The following DENND1A variants were observed in gnomAD, a reference collection of about 807,000 sequenced individuals.
DENND1A encodes the protein DENN domain containing 1A.
A neutral mutation model predicts 113.7 loss-of-function variants in DENND1A; 51 were observed. That is an observed-to-expected ratio of 0.45 (90% CI 0.36 to 0.57). The LOEUF (loss-of-function observed/expected upper bound fraction) is 0.57, where lower values mean the gene tolerates loss of function less well. Ranked by LOEUF, DENND1A falls within the 20% of genes least tolerant of loss-of-function variation. The pLI, the probability that DENND1A is intolerant of heterozygous loss-of-function variation, is 0.00. For synonymous variants in DENND1A, 565 were observed against 570.8 expected (o/e 0.99, Z 0.14); for missense variants, 1,258 against 1,395.9 (o/e 0.90, Z 1.57).
chr9:123,879,992 A>C (rs1848087979), intron 1 of DENND1A, among the ~76,000 whole-genome samples: 1 of 152,188 alleles, frequency 6.6e-6, no homozygotes, highest in East Asian at 1.9e-4. Context: ...TGTTTATTTC[A>C]TAACAGTTCA....
intron 5 of DENND1A, chr9:123,751,988 C>G (rs1388289957): frequency 1.3e-5 from 2 of 152,152 alleles, no homozygotes; most frequent in Non-Finnish European, 2.9e-5. Flanking sequence ...TTTTCCCACC[C>G]CAAAGATTGA....
At chr9:123,643,339 G>T (rs1488592659) in intron 9 of DENND1A, among the ~76,000 whole-genome samples, 1 of 152,152 alleles carries the variant, frequency 6.6e-6, no homozygotes, top group African/African-American at 2.4e-5. Flanking sequence ...GGCTAATTAG[G>T]TCGTGGTCTT....
At chr9:123,479,985 TTCCCTAGTGTCAGGGCAGAC>T (rs1249052647) in intron 13 of DENND1A, among the ~76,000 whole-genome samples, 1 of 152,222 alleles carries the variant, frequency 6.6e-6, no homozygotes, top group East Asian at 1.9e-4. Flanking sequence ...TAGCAACATA[TTCCCTAGTGTCAGGGCAGAC>T]TCCCCTACCG....
intron 5 of DENND1A, among the ~76,000 whole-genome samples, chr9:123,719,964 C>T (rs929190607): frequency 2.6e-5 from 4 of 152,158 alleles, no homozygotes; most frequent in African/African-American, 9.7e-5. Context: ...GATAGCAATA[C>T]TTGAACTCAA....
intron 13 of DENND1A, among the ~76,000 whole-genome samples, chr9:123,503,562 G>T (rs543231267): frequency 6.6e-6 from 1 of 152,304 alleles, no homozygotes; most frequent in Admixed American, 6.5e-5. Flanking sequence ...TCGGACTCAC[G>T]TAAAACTCAC....
chr9:123,616,282 G>A (rs528467590), intron 10 of DENND1A, among the ~76,000 whole-genome samples: 1 of 152,214 alleles, frequency 6.6e-6, no homozygotes, highest in Non-Finnish European at 1.5e-5. Context: ...GGATCACCCA[G>A]TTAATGGTGA....
At chr9:123,466,752 A>C (rs1470106502) in intron 13 of DENND1A, among the ~76,000 whole-genome samples, 1 of 152,226 alleles carries the variant, frequency 6.6e-6, no homozygotes, top group African/African-American at 2.4e-5. Context: ...TAAATAAGAA[A>C]TATGATAGGT....
At chr9:123,638,677 G>C (rs1309991840) in intron 9 of DENND1A, among the ~76,000 whole-genome samples, 3 of 151,894 alleles carry the variant, frequency 2.0e-5, no homozygotes, top group African/African-American at 4.8e-5. Flanking sequence ...GGCCAGGCTG[G>C]TCTCGATCTC....
intron 13 of DENND1A, among the ~76,000 whole-genome samples, chr9:123,464,360 T>A (rs1219510456): frequency 1.3e-5 from 2 of 152,200 alleles, no homozygotes; most frequent in African/African-American, 4.8e-5. Flanking sequence ...GAGGAGCGGA[T>A]AAACAAAGTG....
chr9:123,453,325 T>C (rs2047874767), intron 16 of DENND1A, among the ~76,000 whole-genome samples: 1 of 152,116 alleles, frequency 6.6e-6, no homozygotes, highest in Non-Finnish European at 1.5e-5. Flanking sequence ...CTGGACCTGG[T>C]CCATGAAGGA....
chr9:123,869,882 C>G (rs756773829), intron 2 of DENND1A, among the ~76,000 whole-genome samples: 17 of 151,208 alleles, frequency 1.1e-4, no homozygotes, highest in Non-Finnish European at 2.4e-4. Flanking sequence ...GTCCCAGCTA[C>G]TGGGGAGGCT....
intron 10 of DENND1A, among the ~76,000 whole-genome samples, chr9:123,628,267 A>G (rs988997021): frequency 6.6e-6 from 1 of 151,826 alleles, no homozygotes; most frequent in South Asian, 2.1e-4. Context: ...GGAGATGTGG[A>G]CATCTCAACA....
rs1427471553 is a variant in DENND1A at position 123,836,851 on chromosome 9, AATTTACAAAAAT to A, written c.88+42088_88+42099del. 2.0e-5 allele frequency among the ~76,000 whole-genome samples: 3 copies of A among 152,308 alleles called. No individual in the cohort carries two copies. In the East Asian group the frequency reaches 5.8e-4, roughly 29 times the overall value. ...TCCCTTTCTGTTTCATTTAACAGAT[AATTTACAAAAAT>A]AGTAATATAAAACGTTTTGGAATAT... On this transcript the variant is annotated intron_variant, in intron 2 of 23. Coordinates refer to ENST00000394215, the MANE Select transcript of DENND1A (RefSeq NM_001352964.2).
intron 19 of DENND1A, among the ~76,000 whole-genome samples, chr9:123,424,139 T>C (rs116758937): frequency 0.019 from 2,897 of 151,986 alleles, 84 homozygotes; most frequent in African/African-American, 0.064. Context: ...ACAGTGAGGG[T>C]TGGGGGAGCT....
intron 13 of DENND1A, among the ~76,000 whole-genome samples, chr9:123,516,477 TC>T (rs1280052474): frequency 1.3e-5 from 2 of 152,062 alleles, no homozygotes; most frequent in Non-Finnish European, 2.9e-5. Flanking sequence ...TCACTAGTAA[TC>T]AAGGAAACAA....
At chr9:123,850,897 T>C (rs1843247240) in intron 2 of DENND1A, among the ~76,000 whole-genome samples, 1 of 152,040 alleles carries the variant, frequency 6.6e-6, no homozygotes, top group African/African-American at 2.4e-5. Context: ...AATTGAATGA[T>C]TAAAATGCTT....
At chr9:123,678,895 G>C (rs565876049) in intron 5 of DENND1A, among the ~76,000 whole-genome samples, 1 of 152,312 alleles carries the variant, frequency 6.6e-6, no homozygotes, top group East Asian at 1.9e-4. Context: ...GAGCAGATAA[G>C]TTTCTCCTTT....
chr9:123,766,401 C>T (rs781584741), intron 4 of DENND1A, among the ~76,000 whole-genome samples: 7 of 152,178 alleles, frequency 4.6e-5, no homozygotes, highest in Non-Finnish European at 1.0e-4. Flanking sequence ...CAACACAATG[C>T]TCTACATCCT....
chr9:123,508,687 T>C (rs1412034339), intron 13 of DENND1A, among the ~76,000 whole-genome samples: 1 of 152,128 alleles, frequency 6.6e-6, no homozygotes, highest in Non-Finnish European at 1.5e-5. Context: ...AACATCTAAA[T>C]AAATATCAAG....
Sources: gnomAD v4.1 joint callset for allele counts (sites outside exome capture counted in the v4.1 genomes callset) on GRCh38, gnomAD v4.1.1 for gene constraint, MANE v1.5 for transcripts, NCBI Gene and HGNC (gene_info 2026-07-23, HGNC 2026-07-21) for gene names.